Variants in KLF8 observed in about 807,000 individuals in gnomAD.
KLF8 encodes Krueppel-like factor 8.
KLF8 carries 10 observed loss-of-function variants against 18.2 expected under a neutral mutation model. That is an observed-to-expected ratio of 0.55 (90% confidence interval 0.34 to 0.93). KLF8 has a LOEUF of 0.93. KLF8 is among the 40% of genes least tolerant of loss of function. KLF8 has a pLI of 0.02. For missense variants in KLF8, 264 were observed against 277.9 expected, an observed-to-expected ratio of 0.95 and a Z score of 0.36; for synonymous variants, 109 against 97.3, an observed-to-expected ratio of 1.12 and a Z score of -0.71.
the KLF8 span, among the ~76,000 whole-genome samples, chrX:56,047,169 C>A: frequency 2.7e-5 from 3 of 110,269 alleles, no homozygotes; most frequent in Non-Finnish European, 3.8e-5. Flanking sequence ...CTTTCCAGTA[C>A]ATTTTGCATT....
intron 2 of KLF8, among the ~76,000 whole-genome samples, chrX:56,260,398 A>G (rs1438795768): frequency 1.8e-5 from 2 of 112,305 alleles, no homozygotes; most frequent in African/African-American, 6.5e-5. Context: ...GTATTACCCA[A>G]AAACAACCTT....
chrX:56,105,734 G>A, the KLF8 span, among the ~76,000 whole-genome samples: 1 of 111,287 alleles, frequency 9.0e-6, no homozygotes, highest in Non-Finnish European at 1.9e-5. Context: ...TGTTATGTGT[G>A]AATTTTATCC....
At chrX:56,123,299 G>GAA in the KLF8 span, among the ~76,000 whole-genome samples, 11,735 of 102,577 alleles carry the variant, frequency 0.11, 1,459 homozygotes, top group African/African-American at 0.35. Context: ...AAGAAAGAAA[G>GAA]AGAAAGAAAG....
chrX:55,978,714 A>G, the KLF8 span, among the ~76,000 whole-genome samples: 1 of 110,994 alleles, frequency 9.0e-6, no homozygotes, highest in African/African-American at 3.3e-5. Flanking sequence ...TTATTAAAAA[A>G]CTCATGCTTA....
At chrX:56,186,684 C>A in the KLF8 span, among the ~76,000 whole-genome samples, 1 of 111,877 alleles carries the variant, frequency 8.9e-6, no homozygotes, top group Non-Finnish European at 1.9e-5. Flanking sequence ...GTCTCTCAGA[C>A]CACAGTGCAA....
the KLF8 span, among the ~76,000 whole-genome samples, chrX:56,104,766 G>A: frequency 1.8e-5 from 2 of 109,638 alleles, no homozygotes; most frequent in South Asian, 7.9e-4. Flanking sequence ...GCTTTTGAAT[G>A]TGTTTACTCT....
the KLF8 span, among the ~76,000 whole-genome samples, chrX:56,092,677 G>A: frequency 9.1e-6 from 1 of 109,678 alleles, no homozygotes; most frequent in African/African-American, 3.3e-5. Context: ...GAATAATGTA[G>A]CCTGGAAATG....
chrX:56,017,871 G>C, the KLF8 span, among the ~76,000 whole-genome samples: 10 of 111,605 alleles, frequency 9.0e-5, no homozygotes, highest in Non-Finnish European at 1.9e-4. Context: ...AGCATTTGAA[G>C]TGTTTTATTT....
the KLF8 span, among the ~76,000 whole-genome samples, chrX:56,047,284 A>T: frequency 9.2e-6 from 1 of 108,426 alleles, no homozygotes; most frequent in South Asian, 3.9e-4. Flanking sequence ...TTATTATTAT[A>T]CTTTAAGTTT....
chrX:56,261,140 G>T (rs1267787897), intron 2 of KLF8, among the ~76,000 whole-genome samples: 1 of 111,459 alleles, frequency 9.0e-6, no homozygotes, highest in Non-Finnish European at 1.9e-5. Context: ...AACCGAAAGG[G>T]TCTCATCTTT....
At chrX:56,206,061 A>G in the KLF8 span, among the ~76,000 whole-genome samples, 1 of 111,344 alleles carries the variant, frequency 9.0e-6, no homozygotes, top group Non-Finnish European at 1.9e-5. Context: ...TCCCACTTAT[A>G]AAACCATCAG....
the KLF8 span, among the ~76,000 whole-genome samples, chrX:56,035,260 C>T: frequency 8.9e-6 from 1 of 111,733 alleles, no homozygotes; most frequent in South Asian, 3.8e-4. Context: ...AACATAATAT[C>T]CTCCAGTTCC....
chrX:56,252,160 A>G (rs2066724245), intron 2 of KLF8, among the ~76,000 whole-genome samples: 1 of 110,637 alleles, frequency 9.0e-6, no homozygotes, highest in South Asian at 3.9e-4. Flanking sequence ...CTACAGGCAC[A>G]TGCCACCACG....
intron 2 of KLF8, among the ~76,000 whole-genome samples, chrX:56,258,469 G>T (rs755534322): frequency 1.9e-4 from 21 of 111,742 alleles, no homozygotes; most frequent in African/African-American, 6.8e-4. Context: ...TAGAGACAGG[G>T]TTTCACCATG....
chrX:56,081,653 T>A, the KLF8 span, among the ~76,000 whole-genome samples: 3 of 112,041 alleles, frequency 2.7e-5, no homozygotes, highest in East Asian at 8.4e-4. Flanking sequence ...AGTTCTGTTC[T>A]ACTCCAGGTT....
At chrX:56,128,238 C>G in the KLF8 span, among the ~76,000 whole-genome samples, 1 of 112,065 alleles carries the variant, frequency 8.9e-6, no homozygotes, top group Non-Finnish European at 1.9e-5. Flanking sequence ...AAATTCCATT[C>G]ACTGGAGAGG....
At chrX:56,058,599 G>A in the KLF8 span, among the ~76,000 whole-genome samples, 3 of 105,663 alleles carry the variant, frequency 2.8e-5, no homozygotes, top group South Asian at 8.8e-4. Context: ...AAGAACATGT[G>A]GGGTTTTGTT....
chrX:55,978,804 G>T, the KLF8 span, among the ~76,000 whole-genome samples: 1 of 111,734 alleles, frequency 8.9e-6, no homozygotes, highest in Admixed American at 9.6e-5. Context: ...AGGACAGGCA[G>T]CAATATAAAT....
chrX:56,031,572 C>A, the KLF8 span, among the ~76,000 whole-genome samples: 1 of 111,788 alleles, frequency 8.9e-6, no homozygotes, highest in Non-Finnish European at 1.9e-5. Context: ...GGGCCAATTG[C>A]CTACCCGGGA....
Sources: gnomAD v4.1 joint callset for allele counts (sites outside exome capture counted in the v4.1 genomes callset) on GRCh38, gnomAD v4.1.1 for gene constraint, MANE v1.5 for transcripts, NCBI Gene and HGNC (gene_info 2026-07-23, HGNC 2026-07-21) for gene names.